CAMSAP3: variants seen among roughly 807,000 people sequenced by gnomAD.
The protein encoded by CAMSAP3 is calmodulin-regulated spectrin-associated protein 3.
Under a neutral mutation model 112.5 loss-of-function variants are expected in CAMSAP3, and 34 were observed. The ratio of observed to expected loss-of-function variants is 0.30; its 90% confidence interval spans 0.23 to 0.40. The LOEUF (loss-of-function observed/expected upper bound fraction) is 0.40. Among genes scored for constraint, CAMSAP3 ranks in the 10% least tolerant of loss-of-function variants. The pLI, the probability that CAMSAP3 is intolerant of heterozygous loss-of-function variation, is 1.00. For missense variants in CAMSAP3, 1,602 were observed against 1,770.3 expected (o/e 0.90, Z 1.71); for synonymous variants, 868 against 799.8 (o/e 1.09, Z -1.44).
In CAMSAP3 at chr19:7,615,340, C is replaced by T. The variant is rs200902205; in HGVS notation, c.2810+18C>T. ...GCCGCGAGGTGAGGCCGGGCCTGCC[C>T]GGGACGCCCGCTCCTTGGCCTGTCT... On this transcript the variant is annotated intron_variant, in intron 12 of 16. Transcript: ENST00000160298. This position sits in a 1 kb window ranked among gnomAD's most constrained non-coding sequence, Gnocchi z 6.5. 1.8e-4 allele frequency: 281 copies of T among 1,537,376 alleles called. 3 individuals are homozygous for T. In the East Asian group the frequency reaches 5.7e-3, roughly 31 times the overall value.
intron 1 of CAMSAP3, among the ~76,000 whole-genome samples, chr19:7,598,830 C>T (rs529426182): frequency 6.6e-6 from 1 of 151,958 alleles, no homozygotes; most frequent in Non-Finnish European, 1.5e-5. Flanking sequence ...GAAAACACCC[C>T]ATGCAGTTCT....
chr19:7,604,868 G>A (rs1052314754), intron 1 of CAMSAP3, among the ~76,000 whole-genome samples: 1 of 152,114 alleles, frequency 6.6e-6, no homozygotes, highest in Non-Finnish European at 1.5e-5. Context: ...TAGGATTGCC[G>A]ATGTTATTGT....
intron 2 of CAMSAP3, 126 bp downstream of exon 2, chr19:7,605,605 G>A: frequency 1.8e-6 from 2 of 1,132,326 alleles, no homozygotes; most frequent in Non-Finnish European, 1.2e-6. Context: ...AAGCTTTGTC[G>A]ATTAAGCCTA....
Position 7,615,608 on chromosome 19 carries a change from C to T in CAMSAP3, c.3001C>T (p.Arg1001Trp), listed in dbSNP as rs775944769. 4.8e-6 allele frequency: 7 copies of T among 1,461,074 alleles called. No homozygotes were observed. The highest frequency in any genetic ancestry group is 1.5e-5 in the African/African-American group (1 of 68,852). 90.5% of individuals were successfully genotyped at this position (1,461,074 alleles called of 1,614,324 possible). A position where few individuals can be genotyped will look rare whatever the true frequency, so the allele number is the denominator to read the frequency against. The change falls in exon 13 of 17, where the codon CGG becomes TGG. Residue 1001 changes from arginine to tryptophan, a missense_variant. Physicochemically the swap from Arg to Trp is moderately radical, Grantham distance 101. Coordinates refer to ENST00000160298, the MANE Select transcript of CAMSAP3 (RefSeq NM_020902.2). The surrounding 1 kb of genome is among the most constrained non-coding windows in gnomAD (Gnocchi z 6.5). ...CGACCTCGATAAGGTGCTGCGGCCCCGGGCTGCGGGGTCCGGGGGTCCAGG... is the reference window on the plus strand; with the variant it reads ...CGACCTCGATAAGGTGCTGCGGCCCTGGGCTGCGGGGTCCGGGGGTCCAGG... ...MDDLDKVLRP[R>W]AAGSGGPGRG...
Position 7,602,722 on chromosome 19 carries a change from G to T in CAMSAP3, c.149-2504G>T, listed in dbSNP as rs551849305. ...CAGTCTTCAGGTGGCCCTGGAAGCCGTCACGGGGTAGGGTGGCCTGGGGTG... is the reference window on the plus strand; with the variant it reads ...CAGTCTTCAGGTGGCCCTGGAAGCCTTCACGGGGTAGGGTGGCCTGGGGTG... On this transcript the variant is annotated intron_variant, in intron 1 of 16. Transcript: ENST00000160298. 8.0e-5 allele frequency among the ~76,000 whole-genome samples: 12 copies of T among 149,950 alleles called. No homozygotes were observed. In the South Asian group the frequency reaches 2.6e-3, roughly 32 times the overall value.
intron 1 of CAMSAP3, 28 bp from the exon 2 acceptor site, chr19:7,605,198 C>T (rs2030147711): frequency 7.6e-7 from 1 of 1,318,818 alleles, no homozygotes; most frequent in African/African-American, 1.9e-5. Flanking sequence ...GACCCTGACC[C>T]CCGTGTTTCC....
chr19:7,600,558 C>T (rs867015257), intron 1 of CAMSAP3, among the ~76,000 whole-genome samples: 1 of 732 alleles, frequency 1.4e-3, no homozygotes, highest in Non-Finnish European at 3.1e-3. Flanking sequence ...CACCCACCCC[C>T]CATCCATCCA....
At chr19:7,596,723 C>G (rs1008730656) in intron 1 of CAMSAP3, among the ~76,000 whole-genome samples, 1 of 148,122 alleles carries the variant, frequency 6.8e-6, no homozygotes, top group South Asian at 2.1e-4. Context: ...GCTCTGGGAA[C>G]CCCCTTTCGC....
rs527671985 is a variant in CAMSAP3 at position 7,598,805 on chromosome 19, T to C, written c.148+2655T>C. On this transcript the variant is annotated intron_variant, in intron 1 of 16. Coordinates refer to ENST00000160298, the MANE Select transcript of CAMSAP3 (RefSeq NM_020902.2). The stretch of plus-strand genomic sequence containing the variant: ...CTGTCTCAAAAAACAAAGGGTTCCA[T>C]GTTAAACACATTTGGAAAACACCCC... Among the ~76,000 whole-genome samples the C allele has an allele frequency of 4.0e-5, 6 of 151,766 alleles. No homozygotes were observed. In the East Asian group the frequency reaches 1.2e-3, roughly 30 times the overall value.
In CAMSAP3 at chr19:7,596,152, TA is replaced by T; in HGVS notation, c.148+3del. The T allele has an allele frequency of 1.6e-6, 1 of 613,474 alleles. No individual in the cohort carries two copies. The highest frequency in any genetic ancestry group is 2.1e-6 in the Non-Finnish European group (1 of 476,854). The allele number at this position is 613,474 out of a possible 1,614,324, so 38.0% of individuals were successfully genotyped here. On this transcript the variant is annotated splice_donor_region_variant and intron_variant, in intron 1 of 16. Coordinates refer to ENST00000160298, the MANE Select transcript of CAMSAP3 (RefSeq NM_020902.2). ...TGCGGGCCGCGTTCGGGGGCGCAGGTACCGGGGCTCGGGGGACCGGGGTCGG... is the reference window on the plus strand; with the variant it reads ...TGCGGGCCGCGTTCGGGGGCGCAGGTCCGGGGCTCGGGGGACCGGGGTCGG...
At position 7,617,746 on chromosome 19, in the gene CAMSAP3, G is replaced by C. The variant is rs371601266; in HGVS notation, c.3445-6G>C. 2 of 1,611,676 alleles carry C rather than the reference G, an allele frequency of 1.2e-6. No individual in the cohort carries two copies. The highest frequency in any genetic ancestry group is 1.7e-4 in the Middle Eastern group (1 of 6,056). On this transcript the variant is annotated splice_region_variant and splice_polypyrimidine_tract_variant and intron_variant, in intron 16 of 16. Transcript: ENST00000160298. This position sits in a 1 kb window ranked among gnomAD's most constrained non-coding sequence, Gnocchi z 7.5. ...CCAGCTGACCATTTCCAGCACTCCT[G>C]CCCAGGAAATTGAGAAAAGCAAGGC...
At chr19:7,613,656 G>T (rs1423992332) in intron 11 of CAMSAP3, among the ~76,000 whole-genome samples, 1 of 151,896 alleles carries the variant, frequency 6.6e-6, no homozygotes, top group East Asian at 1.9e-4. Flanking sequence ...GAGGAGTCAT[G>T]GATAGACAGA....
intron 4 of CAMSAP3, 114 bp from the exon 5 acceptor site, chr19:7,608,012 C>G: frequency 7.5e-7 from 1 of 1,324,818 alleles, no homozygotes; most frequent in Non-Finnish European, 1.1e-6. Flanking sequence ...TCTCTGGGAC[C>G]CCCAGCTTCC....
Position 7,615,107 on chromosome 19 carries a change from G to A in CAMSAP3, c.2671-76G>A. 6.6e-7 allele frequency: 1 copy of A among 1,526,518 alleles called. No homozygotes were observed. Among genetic ancestry groups the A allele is most frequent in the Non-Finnish European group, 8.9e-7 (1 of 1,125,766 alleles). The allele number at this position is 1,526,518 out of a possible 1,614,324, so 94.6% of individuals were successfully genotyped here. A position where few individuals can be genotyped will look rare whatever the true frequency, so the allele number is the denominator to read the frequency against. ...AAAAGCACAGGTGGGTGGCGGGCAG[G>A]CTGGGTGGAGGGAAGATGGGCCTCC... On this transcript the variant is annotated intron_variant, in intron 11 of 16. Transcript: ENST00000160298. The surrounding 1 kb of genome is among the most constrained non-coding windows in gnomAD (Gnocchi z 6.5).
At chr19:7,605,182 T>G in intron 1 of CAMSAP3, 44 bp from the exon 2 acceptor site, 1 of 908,124 alleles carries the variant, frequency 1.1e-6, no homozygotes, top group Non-Finnish European at 1.5e-6. Flanking sequence ...GTGTGTTGTA[T>G]CTGGTGACCC....
Position 7,615,532 on chromosome 19 carries a change from G to C in CAMSAP3, c.2925G>C (p.Gly975=), listed in dbSNP as rs2146175839. The change falls in exon 13 of 17, where the codon GGG becomes GGC. Residue 975 remains glycine (G), a synonymous_variant. Transcript: ENST00000160298. The surrounding 1 kb of genome is among the most constrained non-coding windows in gnomAD (Gnocchi z 6.5). ...AGGAGGAGGTGGGCCCCCGGAAGGG[G>C]GACTTCACGCGGCAGGAGTACGAGC... ...PAEEEVGPRK[G]DFTRQEYERR... is the part of the protein sequence containing the mutation. 6.5e-7 allele frequency: 1 copy of C among 1,534,536 alleles called. No individual in the cohort carries two copies. Among genetic ancestry groups the C allele is most frequent in the South Asian group, 1.2e-5 (1 of 83,136 alleles).
rs939485333 is a variant in CAMSAP3 at position 7,607,975 on chromosome 19, CT to C, written c.622-150del. On this transcript the variant is annotated intron_variant, in intron 4 of 16. Coordinates refer to ENST00000160298, the MANE Select transcript of CAMSAP3 (RefSeq NM_020902.2). This position sits in a 1 kb window ranked among gnomAD's most constrained non-coding sequence, Gnocchi z 4.9. ...TCTGCCTCTTGCTGCTGCCCCTCCC[CT>C]GCTCCAGGCTGGCCCCCCAACTCTG... The C allele has an allele frequency of 6.9e-4, 658 of 954,894 alleles. 2 individuals are homozygous for C. The highest frequency in any genetic ancestry group is 8.1e-4 in the Middle Eastern group (3 of 3,706). The allele number at this position is 954,894 out of a possible 1,614,324, so 59.2% of individuals were successfully genotyped here.
At chr19:7,603,142 G>A (rs2030043775) in intron 1 of CAMSAP3, among the ~76,000 whole-genome samples, 1 of 152,082 alleles carries the variant, frequency 6.6e-6, no homozygotes, top group African/African-American at 2.4e-5. Context: ...CACAGGTGGA[G>A]AAGTCCCGTT....
In CAMSAP3 at chr19:7,613,148, G is replaced by A. The variant is rs890987295; in HGVS notation, c.2655G>A (p.Leu885=). 1 of 1,531,998 alleles carries A rather than the reference G, an allele frequency of 6.5e-7. No homozygotes were observed. The highest frequency in any genetic ancestry group is 8.8e-7 in the Non-Finnish European group (1 of 1,136,368). The allele number at this position is 1,531,998 out of a possible 1,614,324, so 94.9% of individuals were successfully genotyped here. The change falls in exon 11 of 17, where the codon CTG becomes CTA. Residue 885 remains leucine, a synonymous_variant. Coordinates refer to ENST00000160298, the MANE Select transcript of CAMSAP3 (RefSeq NM_020902.2). ...ASSEGEPRVG[L]GFFYKDEDKP... ...CGGAGGGGGAGCCCCGGGTGGGGCT[G>A]GGGTTCTTCTACAAGGTGAGTCCCC... is the stretch of plus-strand genomic sequence containing the variant.
Sources: allele counts gnomAD v4.1 joint callset (sites outside exome capture counted in the v4.1 genomes callset), GRCh38; gene constraint gnomAD v4.1.1; non-coding constraint Gnocchi (gnomAD v3.1); transcripts MANE v1.5; gene names NCBI Gene and HGNC (gene_info 2026-07-23, HGNC 2026-07-21).